NUBP2: variants seen among roughly 807,000 people sequenced by gnomAD.
NUBP2 encodes the protein cytosolic Fe-S cluster assembly factor NUBP2.
NUBP2 carries 23 observed loss-of-function variants against 24.9 expected under a neutral mutation model. That is an observed-to-expected ratio of 0.92 (90% CI 0.66 to 1.31). The LOEUF (loss-of-function observed/expected upper bound fraction) is 1.31, where lower values mean the gene tolerates loss of function less well. Ranked by LOEUF, NUBP2 falls within the 50% of genes most tolerant of loss-of-function variation. The pLI, the probability that NUBP2 is intolerant of heterozygous loss-of-function variation, is 0.00. For missense variants in NUBP2, 403 were observed against 386.5 expected, an observed-to-expected ratio of 1.04 and a Z score of -0.36; for synonymous variants, 186 against 170.9, an observed-to-expected ratio of 1.09 and a Z score of -0.69.
intron 1 of NUBP2, chr16:1,783,292 C>G (rs1370753956): frequency 1.8e-6 from 2 of 1,141,912 alleles, no homozygotes; most frequent in African/African-American, 3.3e-5. Context: ...TTAAAGTTAA[C>G]TTTGTTGAGC....
chr16:1,786,695 C>T (rs375227134), intron 2 of NUBP2, 40 bp downstream of exon 2: 1 of 1,611,932 alleles, frequency 6.2e-7, no homozygotes, highest in Non-Finnish European at 8.5e-7. Flanking sequence ...CCCCGGGCAG[C>T]TGCCCGCATC....
intron 1 of NUBP2, 48 bp downstream of exon 1, chr16:1,783,084 G>T: frequency 8.1e-7 from 1 of 1,233,452 alleles, no homozygotes; most frequent in African/African-American, 1.6e-5. Context: ...CTCGCTTGGG[G>T]CCCCGCCGCG....
intron 6 of NUBP2, among the ~76,000 whole-genome samples, 169 bp from the exon 7 acceptor site, chr16:1,788,389 AGGGCCCTCTCG>A (rs2142006147): frequency 6.6e-6 from 1 of 152,074 alleles, no homozygotes; most frequent in Admixed American, 6.5e-5. Flanking sequence ...CGCCCTTCTC[AGGGCCCTCTCG>A]GGTGGCAGGA....
intron 3 of NUBP2, chr16:1,787,250 T>C (rs1596875341): frequency 2.4e-6 from 1 of 412,764 alleles, no homozygotes. Context: ...GCTGAGGGGG[T>C]TCTGGTGCCT....
At chr16:1,783,312 T>G in intron 1 of NUBP2, 3 of 1,122,552 alleles carry the variant, frequency 2.7e-6, no homozygotes, top group Non-Finnish European at 3.3e-6. Context: ...CACCGCGTTG[T>G]AGGCGGGCGC....
chr16:1,788,352 C>T lies in NUBP2; in HGVS notation c.670+145C>T, dbSNP rs1483946606. The T allele has an allele frequency of 4.8e-5, 52 of 1,079,366 alleles. No homozygotes were observed. The East Asian group carries it at 1.1e-3, about 22-fold the overall frequency. 66.9% of individuals were successfully genotyped at this position (1,079,366 alleles called of 1,614,324 possible). ...TCTCTTCTCGGGCCACACGCCATGC[C>T]GCTGAGACCTGCAGGTCATTCGCCC... On this transcript the variant is annotated intron_variant, in intron 6 of 6. Transcript: ENST00000262302.
chr16:1,785,724 C>G, intron 1 of NUBP2: 1 of 1,289,090 alleles, frequency 7.8e-7, no homozygotes, highest in Non-Finnish European at 1.0e-6. Context: ...GCCTGCATGC[C>G]AGGTTCTCCG....
intron 1 of NUBP2, chr16:1,783,557 G>T (rs1408368400): frequency 1.0e-6 from 1 of 961,408 alleles, no homozygotes; most frequent in Non-Finnish European, 1.2e-6. Context: ...CCGTTCGCCA[G>T]ATCAGCGCCG....
chr16:1,783,612 C>T (rs1447306821), intron 1 of NUBP2: 3 of 517,802 alleles, frequency 5.8e-6, no homozygotes, highest in Non-Finnish European at 7.5e-6. Flanking sequence ...TTCTAAGAGA[C>T]CTCGAGTCCG....
At chr16:1,786,337 G>GT in intron 1 of NUBP2, 200 bp from the exon 2 acceptor site, 1 of 599,172 alleles carries the variant, frequency 1.7e-6, no homozygotes, top group Non-Finnish European at 3.0e-6. Flanking sequence ...GTCTTAGAGG[G>GT]TCCCCCCGGG....
intron 1 of NUBP2, chr16:1,784,797 T>C (rs1191562897): frequency 2.0e-5 from 3 of 146,784 alleles, no homozygotes; most frequent in African/African-American, 7.6e-5. Flanking sequence ...CCCAGCACTT[T>C]GGGAGGCCGA....
chr16:1,786,879 C>T lies in NUBP2; in HGVS notation c.258C>T (p.Ser86=), dbSNP rs1896999693. ...CCGTCTTCCTGGACCGGGAGCAGAG[C>T]ATCTCGCTCATGTCTGTGGGCTTCC... ...WAPVFLDREQ[S]ISLMSVGFLL... is the part of the protein sequence containing the mutation. The change falls in exon 3 of 7, where the codon AGC becomes AGT. Residue 86 remains serine, a synonymous_variant. Coordinates refer to ENST00000262302, the MANE Select transcript of NUBP2 (RefSeq NM_012225.4). 6.3e-7 allele frequency: 1 copy of T among 1,579,182 alleles called. No individual in the cohort carries two copies. The highest frequency in any genetic ancestry group is 8.6e-7 in the Non-Finnish European group (1 of 1,156,966).
rs759883105 is a variant in NUBP2 at position 1,785,125 on chromosome 16, A to G, written c.17-1412A>G. 2.5e-4 allele frequency: 250 copies of G among 988,308 alleles called. 1 individual carries two copies. Among genetic ancestry groups the G allele is most frequent in the Non-Finnish European group, 2.8e-4 (233 of 831,726 alleles). The allele number at this position is 988,308 out of a possible 1,614,324, so 61.2% of individuals were successfully genotyped here. ...GAATGATCTGGATTTGCTAACCCATAAAGCTGACCGGGACTCATTGTCCAT... is the reference window on the plus strand; with the variant it reads ...GAATGATCTGGATTTGCTAACCCATGAAGCTGACCGGGACTCATTGTCCAT... On this transcript the variant is annotated intron_variant, in intron 1 of 6. Transcript: ENST00000262302.
rs200628293 is a variant in NUBP2 at position 1,787,837 on chromosome 16, G to A, written c.489+6G>A. 1.6e-4 allele frequency: 256 copies of A among 1,607,802 alleles called. No homozygotes were observed. The African/African-American group carries it at 2.3e-3, about 14-fold the overall frequency. ...TCGTGGTCACCACGCCCCAGGTAGC[G>A]CTGCGGCACCTTCCCGAGTCCCTGT... On this transcript the variant is annotated splice_donor_region_variant and intron_variant, in intron 4 of 6. Coordinates refer to ENST00000262302, the MANE Select transcript of NUBP2 (RefSeq NM_012225.4).
At chr16:1,785,052 A>C (rs751024941) in intron 1 of NUBP2, 2 of 982,608 alleles carry the variant, frequency 2.0e-6, no homozygotes, top group Non-Finnish European at 2.4e-6. Context: ...ACCCCCTCTC[A>C]AAATAAAAAT....
chr16:1,788,449 A>G (rs1432806240), intron 6 of NUBP2, 120 bp from the exon 7 acceptor site: 2 of 1,378,826 alleles, frequency 1.5e-6, no homozygotes, highest in East Asian at 2.6e-5. Flanking sequence ...GGAGGTGGAA[A>G]TCGTCTGGCA....
At chr16:1,786,498 A>G in intron 1 of NUBP2, 39 bp from the exon 2 acceptor site, 1 of 1,532,754 alleles carries the variant, frequency 6.5e-7, no homozygotes. Flanking sequence ...CACAGTGGGC[A>G]CCAGGAGCCC....
At position 1,787,667 on chromosome 16, in the gene NUBP2, G is replaced by A. The variant is rs377209170; in HGVS notation, c.335-10G>A. The stretch of plus-strand genomic sequence containing the variant: ...CTGCCCTGACCGCCCCGTCTGCCCC[G>A]TCTTTGCAGCGCTGATAAAGCAGTT... On this transcript the variant is annotated splice_polypyrimidine_tract_variant and intron_variant, in intron 3 of 6. Coordinates refer to ENST00000262302, the MANE Select transcript of NUBP2 (RefSeq NM_012225.4). The A allele has an allele frequency of 3.7e-5, 59 of 1,611,516 alleles. No homozygotes were observed. The highest frequency in any genetic ancestry group is 3.3e-4 in the Middle Eastern group (2 of 5,990).
chr16:1,786,552 C>A lies in NUBP2; in HGVS notation c.32C>A (p.Ala11Asp), dbSNP rs773318522. Residue 11 changes from alanine to aspartate, a missense_variant, in exon 2 of 7, where the codon GCC (alanine) becomes GAC (aspartate). Ala to Asp is a moderately radical substitution (Grantham distance 126, BLOSUM62 -2). Transcript: ENST00000262302. MEAAAEPGNL[A>D]GVRHIILVLS... ...TTCCGCCCAGAGCCTGGAAACCTGG[C>A]CGGCGTCAGGCACATCATCCTGGTC... 1.3e-6 allele frequency: 2 copies of A among 1,596,594 alleles called. No individual in the cohort carries two copies. The highest frequency in any genetic ancestry group is 1.3e-5 in the African/African-American group (1 of 74,552).
Sources: allele counts gnomAD v4.1 joint callset (sites outside exome capture counted in the v4.1 genomes callset), GRCh38; gene constraint gnomAD v4.1.1; transcripts MANE v1.5; gene names NCBI Gene and HGNC (gene_info 2026-07-23, HGNC 2026-07-21).